SEC63: variants seen among roughly 807,000 people sequenced by gnomAD.
The protein encoded by SEC63 is SEC63 protein translocation regulator.
SEC63 carries 56 observed loss-of-function variants against 116.2 expected under a neutral mutation model. The ratio of observed to expected loss-of-function variants is 0.48; its 90% CI spans 0.39 to 0.60. The LOEUF is 0.60. Ranked by LOEUF, SEC63 falls within the 20% of genes least tolerant of loss-of-function variation. The pLI, the probability that SEC63 is intolerant of heterozygous loss-of-function variation, is 0.00. For synonymous variants in SEC63, 273 were observed against 294.6 expected, an observed-to-expected ratio of 0.93 and a Z score of 0.75; for missense variants, 668 against 900.0, an observed-to-expected ratio of 0.74 and a Z score of 3.30.
intron 1 of SEC63, among the ~76,000 whole-genome samples, chr6:107,935,212 G>A (rs1250697501): frequency 1.3e-5 from 2 of 151,746 alleles, no homozygotes; most frequent in African/African-American, 4.8e-5. Flanking sequence ...TCTGGGAGAT[G>A]AGGGGCGCCT....
In SEC63 at chr6:107,957,213, C is replaced by G. The variant is rs1319351171; in HGVS notation, c.124+673G>C. 3 of 152,210 alleles carry G rather than the reference C, an allele frequency of 2.0e-5. No homozygotes were observed. The East Asian group carries it at 5.8e-4, about 29-fold the overall frequency. The allele number at this position is 152,210 out of a possible 1,614,324, so 9.4% of individuals were successfully genotyped here. ...CAAGATTAATTAAACGAGACTTAAT[C>G]CTTCATACTTGCACTTTTTCCGTCA... On this transcript the variant is annotated intron_variant, in intron 1 of 20. Coordinates refer to ENST00000369002, the MANE Select transcript of SEC63 (RefSeq NM_007214.5).
At chr6:107,886,075 T>C (rs1283706469) in intron 16 of SEC63, among the ~76,000 whole-genome samples, 1 of 152,188 alleles carries the variant, frequency 6.6e-6, no homozygotes, top group Non-Finnish European at 1.5e-5. Context: ...GTTCTCATTG[T>C]TCAACTCCCA....
intron 15 of SEC63, 42 bp downstream of exon 15, chr6:107,893,796 T>A: frequency 6.2e-7 from 1 of 1,610,026 alleles, no homozygotes; most frequent in South Asian, 1.1e-5. Flanking sequence ...ATAAAATATT[T>A]CTTTCACTAG....
intron 1 of SEC63, among the ~76,000 whole-genome samples, chr6:107,951,457 G>C (rs139627110): frequency 2.8e-3 from 420 of 152,128 alleles, no homozygotes; most frequent in Non-Finnish European, 4.5e-3. Flanking sequence ...TTAGTTTTTT[G>C]GATTTTGTTG....
chr6:107,908,720 A>G (rs914587373), intron 8 of SEC63, among the ~76,000 whole-genome samples: 1 of 152,234 alleles, frequency 6.6e-6, no homozygotes, highest in East Asian at 1.9e-4. Context: ...CTGATGAAAT[A>G]TATGAGTAAA....
At chr6:107,880,510 G>C (rs148724989) in intron 18 of SEC63, among the ~76,000 whole-genome samples, 123 of 152,314 alleles carry the variant, frequency 8.1e-4, no homozygotes, top group African/African-American at 2.8e-3. Flanking sequence ...ATCGAAAGTT[G>C]AGCAGGCTGC....
chr6:107,911,423 G>A (rs1309663184), intron 6 of SEC63, 27 bp from the exon 7 acceptor site: 2 of 1,501,136 alleles, frequency 1.3e-6, no homozygotes, highest in East Asian at 2.3e-5. Flanking sequence ...AAAGAATTAT[G>A]GCCTTCGTCA....
rs976072545 is a variant in SEC63 at position 107,938,494 on chromosome 6, C to T, written c.125-8980G>A. ...TCCTGGGCTCAAGCAATCCTCCCTC[C>T]GCAGCCTCCCAAAGTGCTAGGATTA... On this transcript the variant is annotated intron_variant, in intron 1 of 20. Transcript: ENST00000369002. Among the ~76,000 whole-genome samples the T allele has an allele frequency of 1.2e-4, 18 of 152,064 alleles. No homozygotes were observed. The East Asian group carries it at 1.9e-3, about 16-fold the overall frequency.
At chr6:107,915,919 T>TTA (rs1235528148) in intron 4 of SEC63, among the ~76,000 whole-genome samples, 19 of 152,304 alleles carry the variant, frequency 1.2e-4, no homozygotes, top group Non-Finnish European at 7.4e-5. Flanking sequence ...TTCATTGGTC[T>TTA]TACAGAACGT....
At chr6:107,937,144 CAG>C (rs1158346177) in intron 1 of SEC63, among the ~76,000 whole-genome samples, 2 of 41,294 alleles carry the variant, frequency 4.8e-5, no homozygotes, top group African/African-American at 1.5e-4. Context: ...TTTTTTGAGA[CAG>C]AGTTTTGCTC....
intron 20 of SEC63, 106 bp from the exon 21 acceptor site, chr6:107,871,953 A>C (rs554349705): frequency 9.1e-7 from 1 of 1,102,056 alleles, no homozygotes; most frequent in African/African-American, 1.6e-5. Flanking sequence ...ACAAAGAAAT[A>C]GTTTTTTATG....
chr6:107,913,565 A>C, intron 4 of SEC63, 138 bp from the exon 5 acceptor site: 1 of 743,250 alleles, frequency 1.3e-6, no homozygotes, highest in Non-Finnish European at 2.4e-6. Flanking sequence ...GTTTCTCTGA[A>C]ATCAGGAGAA....
chr6:107,899,905 C>T (rs894705091), intron 13 of SEC63, among the ~76,000 whole-genome samples: 1 of 152,140 alleles, frequency 6.6e-6, no homozygotes, highest in African/African-American at 2.4e-5. Flanking sequence ...AACCCCAACT[C>T]CTCACCAAAG....
chr6:107,921,494 G>A (rs991573912), intron 4 of SEC63, among the ~76,000 whole-genome samples: 7 of 149,228 alleles, frequency 4.7e-5, no homozygotes, highest in South Asian at 2.1e-4. Context: ...TACTGTCATC[G>A]AAGTTGGGCT....
chr6:107,880,453 G>A (rs1331678786), intron 18 of SEC63, among the ~76,000 whole-genome samples: 3 of 152,160 alleles, frequency 2.0e-5, no homozygotes, highest in Non-Finnish European at 4.4e-5. Flanking sequence ...AATGTCAAGG[G>A]AATCCCAAGG....
chr6:107,888,565 C>T (rs940921694), intron 16 of SEC63, among the ~76,000 whole-genome samples: 1 of 152,136 alleles, frequency 6.6e-6, no homozygotes, highest in African/African-American at 2.4e-5. Flanking sequence ...TCTTCTTTTC[C>T]TAACTGAACA....
chr6:107,876,684 A>AAAAC (rs1554231927), intron 18 of SEC63, 22 bp from the exon 19 acceptor site: 1 of 1,491,476 alleles, frequency 6.7e-7, no homozygotes, highest in Admixed American at 1.7e-5. Context: ...AAAAAAAAAA[A>AAAAC]AAAAAGAAGA....
At chr6:107,883,645 T>A (rs1204685935) in intron 16 of SEC63, among the ~76,000 whole-genome samples, 1 of 148,748 alleles carries the variant, frequency 6.7e-6, no homozygotes, top group Non-Finnish European at 1.5e-5. Flanking sequence ...AAAAAAATTA[T>A]ATATATATAT....
chr6:107,952,921 C>T (rs890305647), intron 1 of SEC63, among the ~76,000 whole-genome samples: 15 of 152,166 alleles, frequency 9.9e-5, no homozygotes, highest in African/African-American at 3.6e-4. Context: ...TTAACTGTTT[C>T]ACAGGAAAAC....
Sources: allele counts gnomAD v4.1 joint callset (sites outside exome capture counted in the v4.1 genomes callset), GRCh38; gene constraint gnomAD v4.1.1; transcripts MANE v1.5; gene names NCBI Gene and HGNC (gene_info 2026-07-23, HGNC 2026-07-21).